KCND3: variants seen among roughly 807,000 people sequenced by gnomAD.
KCND3 encodes potassium voltage-gated channel subfamily D member 3.
In KCND3, 9 loss-of-function variants were observed where a neutral mutation model predicts 51.1. The observed-to-expected ratio is 0.18, with a 90% CI of 0.11 to 0.31. The LOEUF (loss-of-function observed/expected upper bound fraction) is 0.31, where lower values mean the gene tolerates loss of function less well. Among genes scored for constraint, KCND3 ranks in the 10% least tolerant of loss-of-function variants. The pLI is 1.00. For missense variants in KCND3, 526 were observed against 903.8 expected (o/e 0.58, Z 5.36); for synonymous variants, 349 against 368.0 (o/e 0.95, Z 0.59).
At chr1:111,833,755 T>C (rs1221806089) in intron 2 of KCND3, among the ~76,000 whole-genome samples, 1 of 152,174 alleles carries the variant, frequency 6.6e-6, no homozygotes, top group East Asian at 1.9e-4. Flanking sequence ...TCTCCTCACA[T>C]AGATAGCTGA....
At chr1:111,966,154 G>C (rs1201228791) in intron 2 of KCND3, among the ~76,000 whole-genome samples, 2 of 152,174 alleles carry the variant, frequency 1.3e-5, no homozygotes, top group Non-Finnish European at 2.9e-5. Flanking sequence ...ACATCCTGGA[G>C]ACAGCCCACA....
At chr1:111,857,603 C>T (rs589237) in intron 2 of KCND3, among the ~76,000 whole-genome samples, 21,238 of 151,726 alleles carry the variant, frequency 0.14, 1,897 homozygotes, top group East Asian at 0.4. Flanking sequence ...CTTGGCCCAG[C>T]CCTCCAGGGG....
chr1:111,918,782 G>A (rs917555450), intron 2 of KCND3, among the ~76,000 whole-genome samples: 3 of 152,188 alleles, frequency 2.0e-5, no homozygotes, highest in African/African-American at 7.2e-5. Flanking sequence ...AGGGAATGAT[G>A]AGCCAGGAAG....
At position 111,772,648 on chromosome 1, in the gene KCND3, T is replaced by C. The variant is rs551191596; in HGVS notation, c.*3429A>G. On this transcript the variant is annotated 3_prime_UTR_variant, in exon 8 of 8. Coordinates refer to ENST00000302127, the MANE Select transcript of KCND3 (RefSeq NM_001378969.1). ...TTCTCTGGGTCTCAGTTTTCTATAC[T>C]GTAAAATGAATTAGATATTCTTAAA... 7 of 152,392 alleles carry C rather than the reference T, an allele frequency of 4.6e-5. No homozygotes were observed. The highest frequency in any genetic ancestry group is 8.8e-5 in the Non-Finnish European group (6 of 68,034). The allele number at this position is 152,392 out of a possible 1,614,324, so 9.4% of individuals were successfully genotyped here.
chr1:111,940,748 T>C (rs1225372214), intron 2 of KCND3, among the ~76,000 whole-genome samples: 1 of 152,162 alleles, frequency 6.6e-6, no homozygotes, highest in Non-Finnish European at 1.5e-5. Flanking sequence ...TGGGGAGAAG[T>C]AAAAAGTGCC....
chr1:111,987,651 CT>C (rs1464469984), intron 1 of KCND3, among the ~76,000 whole-genome samples: 1 of 152,212 alleles, frequency 6.6e-6, no homozygotes, highest in Admixed American at 6.5e-5. Context: ...CATTCACCCC[CT>C]GACAGGAGCC....
intron 2 of KCND3, among the ~76,000 whole-genome samples, chr1:111,890,306 A>T (rs1040396088): frequency 6.6e-6 from 1 of 152,176 alleles, no homozygotes; most frequent in African/African-American, 2.4e-5. Context: ...CTCAGGGAAG[A>T]GCCAGCAAGA....
chr1:111,887,329 T>A (rs1174618474), intron 2 of KCND3, among the ~76,000 whole-genome samples: 1 of 151,530 alleles, frequency 6.6e-6, no homozygotes, highest in Non-Finnish European at 1.5e-5. Context: ...AGGGTGCGGG[T>A]GGAGAGGGAT....
At position 111,776,074 on chromosome 1, in the gene KCND3, G is replaced by A. The variant is rs953149609; in HGVS notation, c.*3C>T. ...ACCCACTCTGGCCCTCTGTCCAGTG[G>A]TTTTACAAGGCGGAGACCTTGACAA... On this transcript the variant is annotated 3_prime_UTR_variant, in exon 8 of 8. Coordinates refer to ENST00000302127, the MANE Select transcript of KCND3 (RefSeq NM_001378969.1). The A allele has an allele frequency of 1.2e-6, 2 of 1,614,184 alleles. No individual in the cohort carries two copies. The highest frequency in any genetic ancestry group is 1.7e-6 in the Non-Finnish European group (2 of 1,180,020).
At chr1:111,885,263 A>G (rs191281869) in intron 2 of KCND3, among the ~76,000 whole-genome samples, 8 of 152,322 alleles carry the variant, frequency 5.3e-5, no homozygotes, top group Non-Finnish European at 7.3e-5. Context: ...GACGGGCATC[A>G]GCCTGGGCAC....
rs138245154 is a variant in KCND3 at position 111,774,963 on chromosome 1, C to T, written c.*1114G>A. On this transcript the variant is annotated 3_prime_UTR_variant, in exon 8 of 8. Transcript: ENST00000302127. ...CACTGGCACATACCAGAGTTGACCG[C>T]GTCTCAGGTGTTGGCGATTTGCCTT... 3.3e-5 allele frequency: 5 copies of T among 152,298 alleles called. No homozygotes were observed. The East Asian group carries it at 7.7e-4, about 24-fold the overall frequency. The allele number at this position is 152,298 out of a possible 1,614,324, so 9.4% of individuals were successfully genotyped here.
chr1:111,895,141 G>A (rs1399784255), intron 2 of KCND3, among the ~76,000 whole-genome samples: 2 of 147,114 alleles, frequency 1.4e-5, no homozygotes, highest in East Asian at 4.2e-4. Context: ...GAGAAGTGGG[G>A]AGGGAGAAGG....
chr1:111,866,421 T>G (rs1388429358), intron 2 of KCND3, among the ~76,000 whole-genome samples: 1 of 151,904 alleles, frequency 6.6e-6, no homozygotes, highest in Non-Finnish European at 1.5e-5. Flanking sequence ...TGCGCCACCA[T>G]GCCCAGTCAA....
chr1:111,888,035 G>A (rs1318453489), intron 2 of KCND3, among the ~76,000 whole-genome samples: 4 of 152,260 alleles, frequency 2.6e-5, no homozygotes, highest in African/African-American at 7.2e-5. Context: ...CCCTGGCTGG[G>A]TGTACCAGAG....
chr1:111,805,354 C>T (rs570082935), intron 2 of KCND3, among the ~76,000 whole-genome samples: 167 of 152,326 alleles, frequency 1.1e-3, no homozygotes, highest in Non-Finnish European at 2.0e-3. Context: ...ACCGCCACAA[C>T]CTGGATGCCA....
chr1:111,989,317 G>T (rs1187191774), intron 1 of KCND3, among the ~76,000 whole-genome samples, 188 bp downstream of exon 1: 1 of 152,002 alleles, frequency 6.6e-6, no homozygotes, highest in Admixed American at 6.5e-5. Context: ...CGAGGGAACC[G>T]ACGCCCCCGG....
At chr1:111,901,466 C>G (rs1670378663) in intron 2 of KCND3, among the ~76,000 whole-genome samples, 1 of 152,234 alleles carries the variant, frequency 6.6e-6, no homozygotes, top group Admixed American at 6.5e-5. Flanking sequence ...GCAAAACTTT[C>G]ATTTGTTTCT....
chr1:111,810,821 T>G (rs1665814619), intron 2 of KCND3, among the ~76,000 whole-genome samples: 1 of 152,022 alleles, frequency 6.6e-6, no homozygotes, highest in African/African-American at 2.4e-5. Context: ...TCTGTCTGGG[T>G]TTTTTATGTG....
intron 2 of KCND3, among the ~76,000 whole-genome samples, chr1:111,933,787 T>C (rs1672087014): frequency 6.6e-6 from 1 of 152,194 alleles, no homozygotes; most frequent in African/African-American, 2.4e-5. Flanking sequence ...CTCCTCCACA[T>C]TTCCCTACAC....
Sources: gnomAD v4.1 joint callset for allele counts (sites outside exome capture counted in the v4.1 genomes callset) on GRCh38, gnomAD v4.1.1 for gene constraint, MANE v1.5 for transcripts, NCBI Gene and HGNC (gene_info 2026-07-23, HGNC 2026-07-21) for gene names.